The following DNASE1 variants were observed in gnomAD, a reference collection of about 807,000 sequenced individuals.
DNASE1 encodes the protein deoxyribonuclease 1.
A neutral mutation model predicts 33.9 loss-of-function variants in DNASE1; 40 were observed. The ratio of observed to expected loss-of-function variants is 1.18; its 90% CI spans 0.92 to 1.54. The LOEUF is 1.54. DNASE1 is among the 40% of genes most tolerant of loss of function. DNASE1 has a pLI of 0.00. For missense variants in DNASE1, 518 were observed against 372.6 expected, an observed-to-expected ratio of 1.39 and a Z score of -3.21; for synonymous variants, 216 against 160.0, an observed-to-expected ratio of 1.35 and a Z score of -2.64.
intron 1 of DNASE1, among the ~76,000 whole-genome samples, chr16:3,647,776 G>GCCC (rs1342951382): frequency 2.6e-5 from 4 of 152,108 alleles, no homozygotes; most frequent in Non-Finnish European, 5.9e-5. Context: ...AGCCAAGGCA[G>GCCC]GAGAATCACT....
exon 10 of DNASE1, chr16:3,665,228 C>A (rs1273990994): frequency 6.6e-6 from 1 of 152,230 alleles, no homozygotes; most frequent in Non-Finnish European, 1.5e-5. Context: ...CGGCAAACAA[C>A]CAGAACACGG....
intron 1 of DNASE1, among the ~76,000 whole-genome samples, chr16:3,625,113 C>T (rs2041464874): frequency 6.6e-6 from 1 of 152,238 alleles, no homozygotes; most frequent in South Asian, 2.1e-4. Context: ...TCAAGACCAG[C>T]CTGGCCAACA....
rs753989266 is a variant in DNASE1, at chr16:3,664,177, G to A, written c.*6224G>A. ...CCTGACCCACTGTGCAGCCCTGCCC[G>A]GAGTCTTGGGCAGGTTCACCCAGCA... On this transcript the variant is annotated 3_prime_UTR_variant, in exon 10 of 10. Coordinates refer to the DNASE1 transcript ENST00000407479. The A allele has an allele frequency of 8.3e-5, 109 of 1,306,282 alleles. No homozygotes were observed. The Middle Eastern group carries it at 1.1e-3, about 13-fold the overall frequency. 80.9% of individuals were successfully genotyped at this position (1,306,282 alleles called of 1,614,324 possible).
downstream of DNASE1, chr16:3,662,963 G>C (rs144965528): frequency 6.2e-7 from 1 of 1,608,882 alleles, no homozygotes; most frequent in Admixed American, 1.7e-5. Context: ...ATAGGCACTC[G>C]GCGGCTGCGG....
downstream of DNASE1, chr16:3,658,411 C>T (rs1009527410): frequency 2.3e-4 from 139 of 617,462 alleles, 2 homozygotes; most frequent in Admixed American, 1.1e-3. Context: ...TGAGCCACCA[C>T]GCCTGGCCAT....
exon 10 of DNASE1, chr16:3,664,225 C>A: frequency 6.7e-7 from 1 of 1,486,410 alleles, no homozygotes; most frequent in East Asian, 2.4e-5. Context: ...GGTCAAGACC[C>A]TCCCCAGGTT....
upstream of DNASE1, among the ~76,000 whole-genome samples, chr16:3,650,256 T>C (rs1200916280): frequency 1.3e-5 from 2 of 152,238 alleles, no homozygotes; most frequent in African/African-American, 4.8e-5. Flanking sequence ...CTGAGCATCA[T>C]CTGGTGGAAT....
At chr16:3,653,826 A>AAAAAAAAAAAAAAAAAC (rs2042428667), upstream of DNASE1, 1 of 145,008 alleles carries the variant, frequency 6.9e-6, no homozygotes, top group African/African-American at 2.6e-5. Flanking sequence ...AAAAAAAAAA[A>AAAAAAAAAAAAAAAAAC]AAAAAAAAAA....
At chr16:3,613,697 C>T (rs2040990578) in intron 1 of DNASE1, among the ~76,000 whole-genome samples, 1 of 152,168 alleles carries the variant, frequency 6.6e-6, no homozygotes, top group East Asian at 1.9e-4. Context: ...ATAGAGGAGA[C>T]TGAGTGACGA....
At chr16:3,641,154 A>C (rs1356064311), upstream of DNASE1, 11 of 392,066 alleles carry the variant, frequency 2.8e-5, no homozygotes, top group Non-Finnish European at 4.9e-5. Context: ...CTGCAGCTCC[A>C]CGCTGTGGGG....
At position 3,636,285 on chromosome 16, in the gene DNASE1, G is replaced by C. The variant is rs1170875884; in HGVS notation, c.-1358-4430G>C. On this transcript the variant is annotated intron_variant and NMD_transcript_variant, in intron 1 of 11. Transcript: ENST00000570769. ...TTCTAGCATTTCCTTTTGATTCTTT[G>C]AGTCTTTATCTCTGCTGAAATTACC... 5.3e-5 allele frequency among the ~76,000 whole-genome samples: 8 copies of C among 151,424 alleles called. No individual in the cohort carries two copies. In the East Asian group the frequency reaches 1.6e-3, roughly 29 times the overall value.
At chr16:3,647,699 T>C (rs1349811687) in intron 1 of DNASE1, among the ~76,000 whole-genome samples, 2 of 152,180 alleles carry the variant, frequency 1.3e-5, no homozygotes, top group African/African-American at 4.8e-5. Flanking sequence ...ATTTTATTAA[T>C]AGTATGTGAC....
chr16:3,642,828 G>C (rs1200376722), upstream of DNASE1: 1 of 152,320 alleles, frequency 6.6e-6, no homozygotes, highest in African/African-American at 2.4e-5. Flanking sequence ...GTGCTAGTTG[G>C]ACCAGCCTGG....
At chr16:3,613,554 TG>T in intron 1 of DNASE1, among the ~76,000 whole-genome samples, 1 of 152,204 alleles carries the variant, frequency 6.6e-6, no homozygotes, top group East Asian at 1.9e-4. Context: ...ATTTAGGAGG[TG>T]TTTACTTGCT....
chr16:3,663,309 G>T (rs1184405928), exon 10 of DNASE1: 8 of 1,393,794 alleles, frequency 5.7e-6, no homozygotes, highest in South Asian at 4.0e-5. Context: ...TCTTCTCGGG[G>T]GTGGCTGAGC....
chr16:3,613,412 A>G (rs1404241512), intron 1 of DNASE1, among the ~76,000 whole-genome samples: 2 of 152,214 alleles, frequency 1.3e-5, no homozygotes, highest in Non-Finnish European at 2.9e-5. Context: ...GCTGTTAGAA[A>G]TAATGCTGCT....
intron 1 of DNASE1, among the ~76,000 whole-genome samples, chr16:3,637,902 G>A (rs1280680888): frequency 6.6e-6 from 1 of 152,058 alleles, no homozygotes; most frequent in Non-Finnish European, 1.5e-5. Context: ...CCTGTGTCGG[G>A]GGCAGTCATT....
downstream of DNASE1, chr16:3,659,012 G>C: frequency 1.3e-6 from 1 of 764,046 alleles, no homozygotes; most frequent in Non-Finnish European, 2.1e-6. Context: ...ATCATTTATA[G>C]ATAATATCAT....
chr16:3,619,572 A>G (rs1398352607), intron 1 of DNASE1, among the ~76,000 whole-genome samples: 1 of 147,574 alleles, frequency 6.8e-6, no homozygotes, highest in Non-Finnish European at 1.5e-5. Context: ...CGTGTTAGCC[A>G]GGATGGTCTC....
Sources: gnomAD v4.1 joint callset for allele counts (sites outside exome capture counted in the v4.1 genomes callset) on GRCh38, gnomAD v4.1.1 for gene constraint, MANE v1.5 for transcripts, NCBI Gene and HGNC (gene_info 2026-07-23, HGNC 2026-07-21) for gene names.